Variants in ERG observed in about 807,000 individuals in gnomAD.
ERG encodes transcriptional regulator ERG.
A neutral mutation model predicts 55.3 loss-of-function variants in ERG; 9 were observed. The observed-to-expected ratio is 0.16, with a 90% CI of 0.10 to 0.28. ERG has a LOEUF of 0.28. Ranked by LOEUF, ERG falls within the 10% of genes least tolerant of loss-of-function variation. The pLI, the probability that ERG is intolerant of heterozygous loss-of-function variation, is 1.00. For missense variants in ERG, 434 were observed against 631.6 expected (o/e 0.69, Z 3.35); for synonymous variants, 223 against 237.3 (o/e 0.94, Z 0.55).
In ERG at chr21:38,383,998, G is replaced by C; in HGVS notation, c.920-75C>G. 1 of 1,528,056 alleles carries C rather than the reference G, an allele frequency of 6.5e-7. No individual in the cohort carries two copies. Among genetic ancestry groups the C allele is most frequent in the Non-Finnish European group, 8.7e-7 (1 of 1,142,952 alleles). The allele number at this position is 1,528,056 out of a possible 1,614,324, so 94.7% of individuals were successfully genotyped here. ...GGGAAAGAGGCTCTCTGTGATGACG[G>C]AAGGAGGTGCTATTGGTGTGCCGCC... On this transcript the variant is annotated intron_variant, in intron 9 of 9. Transcript: ENST00000288319. This position sits in a 1 kb window ranked among gnomAD's most constrained non-coding sequence, Gnocchi z 5.7.
At chr21:38,652,866 T>C (rs2060496365) in intron 1 of ERG, among the ~76,000 whole-genome samples, 1 of 152,212 alleles carries the variant, frequency 6.6e-6, no homozygotes, top group Non-Finnish European at 1.5e-5. Context: ...ATGCCACTCT[T>C]GTTGGTGTGT....
chr21:38,527,270 A>G (rs1301374407), intron 2 of ERG, among the ~76,000 whole-genome samples: 1 of 152,184 alleles, frequency 6.6e-6, no homozygotes, highest in African/African-American at 2.4e-5. Context: ...GGCCAGCGCT[A>G]TTCCAAGTGT....
At chr21:38,495,046 C>A (rs916626831) in intron 1 of ERG, among the ~76,000 whole-genome samples, 2 of 152,226 alleles carry the variant, frequency 1.3e-5, no homozygotes, top group African/African-American at 4.8e-5. Context: ...CCGGAATCCC[C>A]CTAAAGTAAC....
chr21:38,505,133 G>C (rs567063227), intron 2 of ERG, among the ~76,000 whole-genome samples: 33 of 152,260 alleles, frequency 2.2e-4, no homozygotes, highest in African/African-American at 7.5e-4. Flanking sequence ...CATCACAAAT[G>C]GAATCAGAAA....
intron 2 of ERG, among the ~76,000 whole-genome samples, chr21:38,526,676 T>C (rs1234446371): frequency 6.6e-6 from 1 of 152,162 alleles, no homozygotes; most frequent in Non-Finnish European, 1.5e-5. Flanking sequence ...AAAATGTCCA[T>C]AGATGTTATT....
chr21:38,609,749 G>A (rs117208727), intron 1 of ERG, among the ~76,000 whole-genome samples: 4,013 of 152,306 alleles, frequency 0.026, 85 homozygotes, highest in Non-Finnish European at 0.042. Flanking sequence ...GCAGAGTCAC[G>A]TGAACAGGAA....
chr21:38,442,227 C>T (rs1331849059), intron 2 of ERG, among the ~76,000 whole-genome samples: 1 of 152,108 alleles, frequency 6.6e-6, no homozygotes, highest in Non-Finnish European at 1.5e-5. Flanking sequence ...AACCCCATCT[C>T]TACTAAAAAT....
chr21:38,457,220 AG>A (rs1466603075), intron 1 of ERG, among the ~76,000 whole-genome samples: 1 of 152,174 alleles, frequency 6.6e-6, no homozygotes, highest in Non-Finnish European at 1.5e-5. Flanking sequence ...GCAGACCACG[AG>A]GTCAGGAGAT....
chr21:38,458,958 A>T (rs2059015865), intron 1 of ERG, among the ~76,000 whole-genome samples: 1 of 150,278 alleles, frequency 6.7e-6, no homozygotes. Flanking sequence ...ACTGTTGGCC[A>T]CTCTCCCCTT....
At chr21:38,568,136 G>GT (rs1263145303) in intron 2 of ERG, among the ~76,000 whole-genome samples, 3 of 151,890 alleles carry the variant, frequency 2.0e-5, no homozygotes, top group Admixed American at 6.5e-5. Context: ...ACTGCTATAT[G>GT]TAACAGTATC....
rs1025216516 is a variant in ERG, at chr21:38,473,469, A to G, written c.18+24894T>C. Among the ~76,000 whole-genome samples the G allele has an allele frequency of 1.4e-4, 22 of 151,806 alleles. No individual in the cohort carries two copies. In the East Asian group the frequency reaches 3.8e-3, roughly 27 times the overall value. ...AAGCTGTTTTTTAAAGACAATTTTA[A>G]ATAAGAAAAAAATAATTATTTTAGA... On this transcript the variant is annotated intron_variant, in intron 1 of 9. Coordinates refer to ENST00000288319, the MANE Select transcript of ERG (RefSeq NM_182918.4).
chr21:38,489,353 C>T (rs536790250), intron 1 of ERG, among the ~76,000 whole-genome samples: 3 of 152,314 alleles, frequency 2.0e-5, no homozygotes, highest in South Asian at 2.1e-4. Context: ...CAGAGGTACC[C>T]TCACAGGGAT....
intron 1 of ERG, among the ~76,000 whole-genome samples, chr21:38,450,117 C>A (rs2058927337): frequency 6.6e-6 from 1 of 151,230 alleles, no homozygotes; most frequent in Non-Finnish European, 1.5e-5. Context: ...TTGGTTCGGG[C>A]ATGGTGGCTC....
intron 9 of ERG, among the ~76,000 whole-genome samples, chr21:38,384,566 G>A (rs937831950): frequency 1.1e-4 from 17 of 151,746 alleles, no homozygotes; most frequent in African/African-American, 3.9e-4. Flanking sequence ...GGATGAAAGA[G>A]CTATATATTT....
intron 3 of ERG, among the ~76,000 whole-genome samples, chr21:38,423,084 AGTGTGT>A (rs71184624): frequency 0.079 from 11,350 of 144,402 alleles, 481 homozygotes; most frequent in Non-Finnish European, 0.087. Flanking sequence ...CTCCATACGT[AGTGTGT>A]GTGTGTGTGT....
intron 1 of ERG, among the ~76,000 whole-genome samples, chr21:38,598,555 G>A (rs1447599093): frequency 3.3e-5 from 5 of 152,174 alleles, no homozygotes; most frequent in Non-Finnish European, 5.9e-5. Flanking sequence ...CCTGCCATCG[G>A]CTGAGGCTCA....
chr21:38,493,584 G>A (rs1376019711), intron 1 of ERG, among the ~76,000 whole-genome samples: 2 of 152,208 alleles, frequency 1.3e-5, no homozygotes. Flanking sequence ...CAGGAGTAAA[G>A]AGGAGAGTGG....
At chr21:38,376,020 C>G (rs1270145684), downstream of ERG, among the ~76,000 whole-genome samples, 2 of 152,184 alleles carry the variant, frequency 1.3e-5, no homozygotes, top group Non-Finnish European at 2.9e-5. Context: ...ATTGTGGTTG[C>G]CCATCCTATG....
chr21:38,376,266 C>A (rs1987239662), downstream of ERG, among the ~76,000 whole-genome samples: 1 of 152,178 alleles, frequency 6.6e-6, no homozygotes, highest in Non-Finnish European at 1.5e-5. Flanking sequence ...GGAGGGGTTT[C>A]TTCTAAAGAG....
Sources: allele counts gnomAD v4.1 joint callset (sites outside exome capture counted in the v4.1 genomes callset), GRCh38; gene constraint gnomAD v4.1.1; non-coding constraint Gnocchi (gnomAD v3.1); transcripts MANE v1.5; gene names NCBI Gene and HGNC (gene_info 2026-07-23, HGNC 2026-07-21).